CSGALNACT1: variants seen among roughly 807,000 people sequenced by gnomAD.
CSGALNACT1 encodes beta4GalNAcT-1.
CSGALNACT1 carries 52 observed loss-of-function variants against 51.0 expected under a neutral mutation model. The observed-to-expected ratio is 1.02, with a 90% CI of 0.82 to 1.29. The LOEUF (loss-of-function observed/expected upper bound fraction) is 1.29, where lower values mean the gene tolerates loss of function less well. Among genes scored for constraint, CSGALNACT1 ranks in the 50% most tolerant of loss-of-function variants. The pLI is 0.00. For missense variants in CSGALNACT1, 935 were observed against 679.2 expected (o/e 1.38, Z -4.19); for synonymous variants, 341 against 254.4 (o/e 1.34, Z -3.24).
chr8:19,521,106 G>A (rs137898043), intron 3 of CSGALNACT1, among the ~76,000 whole-genome samples: 22 of 152,278 alleles, frequency 1.4e-4, no homozygotes, highest in Admixed American at 3.3e-4. Context: ...CTCATTTCAA[G>A]GCAGAAAATT....
chr8:19,436,287 T>C (rs753655323), intron 6 of CSGALNACT1, among the ~76,000 whole-genome samples: 2 of 152,144 alleles, frequency 1.3e-5, no homozygotes, highest in Non-Finnish European at 2.9e-5. Context: ...AACTAACAAC[T>C]ATGGGTTTTA....
intron 2 of CSGALNACT1, among the ~76,000 whole-genome samples, chr8:19,594,635 C>T (rs575550965): frequency 3.5e-4 from 53 of 152,238 alleles, no homozygotes; most frequent in African/African-American, 1.2e-3. Context: ...CCTCCACCTC[C>T]CAGGTTCAAG....
At chr8:19,460,368 G>A (rs1286039151) in intron 4 of CSGALNACT1, among the ~76,000 whole-genome samples, 1 of 152,104 alleles carries the variant, frequency 6.6e-6, no homozygotes, top group East Asian at 1.9e-4. Flanking sequence ...CTTTCTGGGG[G>A]CTTAATTTAT....
intron 3 of CSGALNACT1, among the ~76,000 whole-genome samples, chr8:19,584,395 A>AC (rs200697381): frequency 2.6e-5 from 4 of 151,450 alleles, no homozygotes; most frequent in African/African-American, 9.7e-5. Flanking sequence ...GGGCTGAAAT[A>AC]TTTTTTTTTG....
intron 6 of CSGALNACT1, among the ~76,000 whole-genome samples, chr8:19,422,679 T>C (rs2058135048): frequency 6.6e-6 from 1 of 152,246 alleles, no homozygotes; most frequent in Non-Finnish European, 1.5e-5. Context: ...AAGGACACGC[T>C]ATCCTCCCGT....
At chr8:19,672,189 C>A (rs1339164122) in intron 1 of CSGALNACT1, among the ~76,000 whole-genome samples, 1 of 152,168 alleles carries the variant, frequency 6.6e-6, no homozygotes, top group East Asian at 1.9e-4. Context: ...CAATTTTTTC[C>A]ATCAAGCTCA....
chr8:19,743,101 C>G (rs1367142506), intron 1 of CSGALNACT1, among the ~76,000 whole-genome samples: 1 of 152,174 alleles, frequency 6.6e-6, no homozygotes, highest in African/African-American at 2.4e-5. Context: ...GATACACACA[C>G]GCTGATTTCC....
chr8:19,538,153 C>CA (rs1170537498), intron 3 of CSGALNACT1, among the ~76,000 whole-genome samples: 1 of 151,780 alleles, frequency 6.6e-6, no homozygotes. Flanking sequence ...GATACTGCTA[C>CA]AAAAAATGAA....
At chr8:19,575,259 G>A (rs897278041) in intron 3 of CSGALNACT1, among the ~76,000 whole-genome samples, 2 of 152,188 alleles carry the variant, frequency 1.3e-5, no homozygotes, top group African/African-American at 4.8e-5. Flanking sequence ...ACCACTAGCT[G>A]CACTCTGGTT....
chr8:19,508,064 C>T (rs979519217), intron 3 of CSGALNACT1, among the ~76,000 whole-genome samples: 1 of 152,174 alleles, frequency 6.6e-6, no homozygotes, highest in Non-Finnish European at 1.5e-5. Context: ...AGTCTTCACC[C>T]GACTCAGAAA....
intron 1 of CSGALNACT1, among the ~76,000 whole-genome samples, chr8:19,690,386 T>C (rs990097540): frequency 1.3e-5 from 2 of 152,174 alleles, no homozygotes; most frequent in African/African-American, 4.8e-5. Context: ...AGGACTTAGA[T>C]ATCTCTACTT....
chr8:19,702,049 A>G (rs968378615), intron 1 of CSGALNACT1, among the ~76,000 whole-genome samples: 1 of 152,346 alleles, frequency 6.6e-6, no homozygotes, highest in South Asian at 2.1e-4. Context: ...GATTGGCTTC[A>G]TAAGTGCCTA....
chr8:19,730,207 C>A (rs1185283332), intron 1 of CSGALNACT1, among the ~76,000 whole-genome samples: 1 of 151,500 alleles, frequency 6.6e-6, no homozygotes, highest in African/African-American at 2.4e-5. Context: ...ATCACACTCC[C>A]TTCTTTACAC....
rs1378838127 is a variant in CSGALNACT1, at chr8:19,576,374, G to A, written c.-297+14786C>T. ...CACCTGGCTAATTTTTGTATTTTTA[G>A]TAGAGACGGGGTTTCATTATGTTGG... On this transcript the variant is annotated intron_variant, in intron 3 of 9. Transcript: ENST00000454498. 2.2e-4 allele frequency among the ~76,000 whole-genome samples: 33 copies of A among 152,068 alleles called. 1 individual carries two copies. Among genetic ancestry groups the A allele is most frequent in the Admixed American group, 2.2e-3 (33 of 15,248 alleles).
chr8:19,472,842 C>G lies in CSGALNACT1; in HGVS notation c.635-14200G>C, dbSNP rs146303604. Among the ~76,000 whole-genome samples, 13 of 152,204 alleles carry G rather than the reference C, an allele frequency of 8.5e-5. 1 individual carries two copies. The highest frequency in any genetic ancestry group is 1.3e-4 in the Non-Finnish European group (9 of 68,006). ...AATACTCATTCATTGATATCAATTT[C>G]TTTATATTTAAAATATGGAATAATA... is the stretch of plus-strand genomic sequence containing the variant. On this transcript the variant is annotated intron_variant, in intron 4 of 9. Transcript: ENST00000454498.
intron 4 of CSGALNACT1, among the ~76,000 whole-genome samples, chr8:19,480,742 G>A (rs1334389326): frequency 1.3e-5 from 2 of 152,170 alleles, no homozygotes; most frequent in Non-Finnish European, 2.9e-5. Context: ...TGTATTTACA[G>A]ACAAGGGCTC....
At chr8:19,448,211 G>C (rs1440344200) in intron 5 of CSGALNACT1, among the ~76,000 whole-genome samples, 1 of 152,212 alleles carries the variant, frequency 6.6e-6, no homozygotes, top group African/African-American at 2.4e-5. Flanking sequence ...TGCAGTTAAG[G>C]ATACCTCTCT....
chr8:19,448,018 C>A (rs1006575767), intron 5 of CSGALNACT1, among the ~76,000 whole-genome samples: 2 of 152,208 alleles, frequency 1.3e-5, no homozygotes, highest in African/African-American at 4.8e-5. Flanking sequence ...GCCCCTCTGG[C>A]TGTTGTCAGA....
intron 1 of CSGALNACT1, among the ~76,000 whole-genome samples, chr8:19,724,584 T>G (rs892909256): frequency 1.3e-5 from 2 of 152,236 alleles, no homozygotes; most frequent in African/African-American, 4.8e-5. Flanking sequence ...AAACTCCCTT[T>G]TGCTGCATAT....
Sources: gnomAD v4.1 joint callset for allele counts (sites outside exome capture counted in the v4.1 genomes callset) on GRCh38, gnomAD v4.1.1 for gene constraint, MANE v1.5 for transcripts, NCBI Gene and HGNC (gene_info 2026-07-23, HGNC 2026-07-21) for gene names.